The following ARL8B variants were observed in gnomAD, a reference collection of about 807,000 sequenced individuals.
ARL8B encodes ARF like GTPase 8B, also known as ADP-ribosylation factor-like protein 8B.
Under a neutral mutation model 30.6 loss-of-function variants are expected in ARL8B, and 9 were observed. That is an observed-to-expected ratio of 0.29 (90% confidence interval 0.18 to 0.51). The LOEUF is 0.51. Among genes scored for constraint, ARL8B ranks in the 20% least tolerant of loss-of-function variants. The pLI is 0.97. For missense variants in ARL8B, 130 were observed against 227.2 expected, an observed-to-expected ratio of 0.57 and a Z score of 2.75; for synonymous variants, 74 against 76.0, an observed-to-expected ratio of 0.97 and a Z score of 0.14.
intron 1 of ARL8B, among the ~76,000 whole-genome samples, chr3:5,135,909 C>T (rs1405618112): frequency 2.0e-5 from 3 of 151,070 alleles, no homozygotes; most frequent in African/African-American, 7.3e-5. Context: ...GTCTCAGCCT[C>T]TCGAGTAGCT....
chr3:5,152,671 A>C (rs1038001611), intron 1 of ARL8B, among the ~76,000 whole-genome samples: 1 of 152,190 alleles, frequency 6.6e-6, no homozygotes, highest in Admixed American at 6.5e-5. Flanking sequence ...TTTTTTGTAG[A>C]GATAGAGTCT....
chr3:5,155,861 T>C (rs1218508201), intron 1 of ARL8B, among the ~76,000 whole-genome samples: 1 of 151,128 alleles, frequency 6.6e-6, no homozygotes, highest in Non-Finnish European at 1.5e-5. Flanking sequence ...TTTGTTGTTG[T>C]TGTTCTTTGA....
intron 1 of ARL8B, among the ~76,000 whole-genome samples, chr3:5,127,005 C>T (rs1341033691): frequency 2.0e-5 from 3 of 152,136 alleles, no homozygotes; most frequent in African/African-American, 4.8e-5. Context: ...TACACTTTTG[C>T]ACATTGTTGA....
chr3:5,165,490 C>G (rs187809946), intron 1 of ARL8B, among the ~76,000 whole-genome samples: 1 of 152,074 alleles, frequency 6.6e-6, no homozygotes, highest in Non-Finnish European at 1.5e-5. Flanking sequence ...CAATTGAGTC[C>G]TAGTGTGTTT....
rs779634871 is a variant in ARL8B, at chr3:5,170,492, A to G, written c.124-11A>G. ...TGAGTAGCCTAACTTCAAATGTTTT[A>G]TTTTGTTCAGTCAGGTCAATTCAGT... On this transcript the variant is annotated splice_polypyrimidine_tract_variant and intron_variant, in intron 1 of 6. Transcript: ENST00000256496. The G allele has an allele frequency of 1.9e-6, 3 of 1,600,322 alleles. No homozygotes were observed. Among genetic ancestry groups the G allele is most frequent in the Admixed American group, 1.7e-5 (1 of 57,996 alleles).
intron 1 of ARL8B, among the ~76,000 whole-genome samples, chr3:5,134,705 C>T (rs2054310343): frequency 6.6e-6 from 1 of 152,090 alleles, no homozygotes; most frequent in Admixed American, 6.5e-5. Flanking sequence ...TCCTCATAGC[C>T]CAGTTAGGTT....
chr3:5,131,692 A>T (rs935577612), intron 1 of ARL8B, among the ~76,000 whole-genome samples: 15 of 152,118 alleles, frequency 9.9e-5, no homozygotes, highest in African/African-American at 2.7e-4. Flanking sequence ...CACCCAGCCT[A>T]CCCGTTTCTT....
intron 1 of ARL8B, among the ~76,000 whole-genome samples, chr3:5,129,744 G>T (rs943810102): frequency 7.9e-5 from 12 of 152,128 alleles, no homozygotes; most frequent in African/African-American, 2.7e-4. Flanking sequence ...GCTGCTGGGT[G>T]TGGTGGCTCA....
intron 1 of ARL8B, among the ~76,000 whole-genome samples, chr3:5,164,530 G>C (rs2106567966): frequency 6.6e-6 from 1 of 152,210 alleles, no homozygotes; most frequent in Non-Finnish European, 1.5e-5. Flanking sequence ...TACCTCATTT[G>C]CTTTCTGATG....
At chr3:5,135,038 A>G (rs958781399) in intron 1 of ARL8B, among the ~76,000 whole-genome samples, 17 of 152,114 alleles carry the variant, frequency 1.1e-4, no homozygotes, top group Non-Finnish European at 2.4e-4. Context: ...TGGTAGACAC[A>G]GGGTTTCGCC....
At chr3:5,137,463 A>C (rs1364737639) in intron 1 of ARL8B, among the ~76,000 whole-genome samples, 2 of 132,846 alleles carry the variant, frequency 1.5e-5, no homozygotes, top group Non-Finnish European at 1.6e-5. Flanking sequence ...TTTGAGATGG[A>C]GTCTCACTCT....
At chr3:5,151,653 A>G (rs530822506) in intron 1 of ARL8B, among the ~76,000 whole-genome samples, 1 of 152,228 alleles carries the variant, frequency 6.6e-6, no homozygotes, top group South Asian at 2.1e-4. Flanking sequence ...ATTATGGTGA[A>G]AGAACATACT....
intron 1 of ARL8B, among the ~76,000 whole-genome samples, chr3:5,123,193 A>G (rs1559272513): frequency 1.3e-5 from 2 of 152,324 alleles, no homozygotes; most frequent in South Asian, 4.1e-4. Flanking sequence ...CAGCTAGCCC[A>G]CAATACATAG....
Position 5,122,443 on chromosome 3 carries a change from C to A in ARL8B, c.-23C>A, listed in dbSNP as rs759284863. On this transcript the variant is annotated 5_prime_UTR_variant, in exon 1 of 7. Coordinates refer to ENST00000256496, the MANE Select transcript of ARL8B (RefSeq NM_018184.3). ...GCCGCCGCTCGTCCGTCCTCCCGTC[C>A]GTTCTCGCTCCCGGCCGCCATCATG... 67 of 1,611,710 alleles carry A rather than the reference C, an allele frequency of 4.2e-5. No homozygotes were observed. Among genetic ancestry groups the A allele is most frequent in the Admixed American group, 1.7e-5 (1 of 59,950 alleles).
chr3:5,134,919 C>T (rs770029019), intron 1 of ARL8B, among the ~76,000 whole-genome samples: 128 of 152,332 alleles, frequency 8.4e-4, no homozygotes, highest in Admixed American at 1.5e-3. Context: ...ATGATCTCAG[C>T]TCACTGCAAC....
chr3:5,147,840 A>G (rs2106560985), intron 1 of ARL8B, among the ~76,000 whole-genome samples: 1 of 150,074 alleles, frequency 6.7e-6, no homozygotes, highest in African/African-American at 2.5e-5. Flanking sequence ...TTCTCATGTG[A>G]TTTTTGAGCC....
intron 6 of ARL8B, among the ~76,000 whole-genome samples, chr3:5,176,103 A>T (rs2054727695): frequency 6.6e-6 from 1 of 152,208 alleles, no homozygotes; most frequent in South Asian, 2.1e-4. Flanking sequence ...ATGTATTGGA[A>T]CAAAATGTAA....
intron 1 of ARL8B, among the ~76,000 whole-genome samples, chr3:5,123,175 C>T (rs1477815037): frequency 6.6e-6 from 1 of 152,176 alleles, no homozygotes; most frequent in African/African-American, 2.4e-5. Flanking sequence ...AAGCTCATTG[C>T]TGAGCTCCAG....
At chr3:5,141,408 A>T (rs1245497066) in intron 1 of ARL8B, among the ~76,000 whole-genome samples, 1 of 152,158 alleles carries the variant, frequency 6.6e-6, no homozygotes, top group African/African-American at 2.4e-5. Flanking sequence ...TTTGGTTTCT[A>T]ATAGTAGCAG....
Sources: gnomAD v4.1 joint callset for allele counts (sites outside exome capture counted in the v4.1 genomes callset) on GRCh38, gnomAD v4.1.1 for gene constraint, MANE v1.5 for transcripts, NCBI Gene and HGNC (gene_info 2026-07-23, HGNC 2026-07-21) for gene names.